The following CLCN3 variants were observed in gnomAD, a reference collection of about 807,000 sequenced individuals.
The protein encoded by CLCN3 is H(+)/Cl(-) exchange transporter 3.
CLCN3 carries 16 observed loss-of-function variants against 83.4 expected under a neutral mutation model. The ratio of observed to expected loss-of-function variants is 0.19; its 90% CI spans 0.13 to 0.29. The LOEUF (loss-of-function observed/expected upper bound fraction) is 0.29. Ranked by LOEUF, CLCN3 falls within the 10% of genes least tolerant of loss-of-function variation. CLCN3 has a pLI of 1.00. For missense variants in CLCN3, 544 were observed against 1,006.0 expected, an observed-to-expected ratio of 0.54 and a Z score of 6.21; for synonymous variants, 322 against 346.2, an observed-to-expected ratio of 0.93 and a Z score of 0.78.
At chr4:169,632,276 T>G (rs1445493630) in intron 1 of CLCN3, among the ~76,000 whole-genome samples, 1 of 152,152 alleles carries the variant, frequency 6.6e-6, no homozygotes, top group Non-Finnish European at 1.5e-5. Context: ...GATTGAAAGA[T>G]CAGTGAGTCT....
At chr4:169,691,999 A>AG in intron 6 of CLCN3, 115 bp from the exon 7 acceptor site, 1 of 654,722 alleles carries the variant, frequency 1.5e-6, no homozygotes, top group Non-Finnish European at 2.6e-6. Context: ...ATTTTTCTGT[A>AG]GACTGCTAAA....
intron 12 of CLCN3, among the ~76,000 whole-genome samples, chr4:169,714,187 C>A (rs1011611516): frequency 2.0e-5 from 3 of 152,056 alleles, no homozygotes; most frequent in South Asian, 2.1e-4. Flanking sequence ...TACCAAAAAA[C>A]AGAGGGTATT....
chr4:169,661,995 T>C (rs2150220588), intron 2 of CLCN3, among the ~76,000 whole-genome samples: 1 of 152,260 alleles, frequency 6.6e-6, no homozygotes, highest in African/African-American at 2.4e-5. Context: ...ATTTGGTTGT[T>C]AATGATGATA....
intron 2 of CLCN3, among the ~76,000 whole-genome samples, chr4:169,653,699 T>C (rs1337057756): frequency 2.1e-5 from 3 of 143,468 alleles, no homozygotes; most frequent in Non-Finnish European, 4.5e-5. Context: ...ATAGGAAGCA[T>C]AGTGCTGGCA....
chr4:169,691,134 G>A (rs752209388), intron 6 of CLCN3, among the ~76,000 whole-genome samples: 2 of 151,822 alleles, frequency 1.3e-5, no homozygotes, highest in Non-Finnish European at 2.9e-5. Context: ...GAGGAGTTGC[G>A]ATTGCAGGCA....
intron 11 of CLCN3, among the ~76,000 whole-genome samples, chr4:169,707,815 G>A (rs752092052): frequency 8.6e-5 from 13 of 152,034 alleles, no homozygotes; most frequent in South Asian, 8.3e-4. Context: ...AAAGTATAAC[G>A]TATCAGTCCT....
chr4:169,686,479 C>T (rs1176359156), intron 3 of CLCN3, among the ~76,000 whole-genome samples: 3 of 151,014 alleles, frequency 2.0e-5, no homozygotes, highest in Non-Finnish European at 4.4e-5. Context: ...TGCAGTGGCA[C>T]GATCTCTGCT....
intron 2 of CLCN3, among the ~76,000 whole-genome samples, chr4:169,648,041 A>T (rs1355093013): frequency 9.2e-5 from 14 of 152,198 alleles, no homozygotes; most frequent in Admixed American, 1.3e-4. Context: ...ATGACATTTT[A>T]CAGGATACCT....
rs1409025280 is a variant in CLCN3, at chr4:169,713,184, G to A, written c.2255G>A (p.Arg752Gln). ...GAAAGTCCTCGGCCATTGAAGCTTC[G>A]AAGCATTCTTGACATGAGCCCTTTT... is the stretch of plus-strand genomic sequence containing the variant. Reference protein sequence around the residue: ...PAESPRPLKLRSILDMSPFTV... With the variant: ...PAESPRPLKLQSILDMSPFTV... The change falls in exon 12 of 13, where the codon CGA (arginine) becomes CAA (glutamine). Residue 752 changes from arginine to glutamine, a missense_variant. Physicochemically the swap from Arg to Gln is conservative, Grantham distance 43 (BLOSUM62 1). Around this residue, in one of 6 missense-constraint regions of CLCN3, gnomAD observed 142 missense variants for 225.0 expected, o/e 0.63. Coordinates refer to ENST00000513761, the MANE Select transcript of CLCN3 (RefSeq NM_001829.4). 1.9e-6 allele frequency: 3 copies of A among 1,614,056 alleles called. No homozygotes were observed. The highest frequency in any genetic ancestry group is 2.5e-6 in the Non-Finnish European group (3 of 1,179,980).
Position 169,719,986 on chromosome 4 carries a change from A to G in CLCN3, c.2446A>G (p.Met816Val), listed in dbSNP as rs1231114163. The G allele has an allele frequency of 1.2e-6, 2 of 1,613,980 alleles. No individual in the cohort carries two copies. ...GGCAAACCAAGACCCCGCTTCAATA[A>G]TGTTCAACTGAATCTCACAGATGAG... Reference protein sequence around the residue: ...QTANQDPASIMFN With the variant: ...QTANQDPASIVFN The change falls in exon 13 of 13, where the codon ATG becomes GTG. Residue 816 changes from methionine to valine, a missense_variant. By Grantham distance (21) the Met-to-Val change is conservative. Around this residue, in one of 6 missense-constraint regions of CLCN3, gnomAD observed 142 missense variants for 225.0 expected, o/e 0.63. Transcript: ENST00000513761.
chr4:169,621,255 A>G (rs1213829533), intron 1 of CLCN3, among the ~76,000 whole-genome samples, 192 bp downstream of exon 1: 2 of 152,160 alleles, frequency 1.3e-5, no homozygotes, highest in African/African-American at 4.8e-5. Context: ...AAAATTTCAC[A>G]CATCTGCTTC....
In CLCN3 at chr4:169,620,763, GATTTTT is replaced by G; in HGVS notation, c.-309_-304del. 2.5e-6 allele frequency: 1 copy of G among 398,630 alleles called. No homozygotes were observed. The highest frequency in any genetic ancestry group is 4.4e-6 in the Non-Finnish European group (1 of 226,084). 24.7% of individuals were successfully genotyped at this position (398,630 alleles called of 1,614,324 possible). ...GTCTTAAGGGGGAAGTGAGATTGGA[GATTTTT>G]ATTTTTAATTTTGGGCAGAAGCAGG... On this transcript the variant is annotated 5_prime_UTR_variant, in exon 1 of 13. Transcript: ENST00000513761.
At chr4:169,669,523 T>C (rs548154854) in intron 2 of CLCN3, among the ~76,000 whole-genome samples, 1 of 152,170 alleles carries the variant, frequency 6.6e-6, no homozygotes, top group Admixed American at 6.5e-5. Flanking sequence ...AATTATAATA[T>C]GTTATGACAA....
intron 1 of CLCN3, 37 bp downstream of exon 1, chr4:169,621,100 T>A (rs1226938283): frequency 5.1e-6 from 2 of 395,408 alleles, no homozygotes; most frequent in Admixed American, 8.8e-5. Context: ...TTGTCAGCTC[T>A]CCTGTTCACA....
intron 2 of CLCN3, among the ~76,000 whole-genome samples, chr4:169,639,202 T>A (rs1056429303): frequency 1.6e-4 from 24 of 152,218 alleles, no homozygotes; most frequent in African/African-American, 2.4e-4. Context: ...GCTAATTTTT[T>A]AAAATTTTTT....
At chr4:169,627,814 T>C (rs1425837750) in intron 1 of CLCN3, among the ~76,000 whole-genome samples, 1 of 152,172 alleles carries the variant, frequency 6.6e-6, no homozygotes, top group Non-Finnish European at 1.5e-5. Context: ...TTTTTAGATA[T>C]GGACAAGATT....
At position 169,697,322 on chromosome 4, in the gene CLCN3, C is replaced by T; in HGVS notation, c.1151C>T (p.Pro384Leu). The part of the protein sequence containing the change: ...LVLFYVEYHT[P>L]WYLFELFPFI... The stretch of plus-strand genomic sequence containing the variant: ...CTTTTTTATGTGGAGTATCATACAC[C>T]ATGGTACCTTTTTGAACTGTTTCCT... Residue 384 changes from proline (P) to leucine (L), a missense_variant, in exon 9 of 13, where the codon CCA (proline) becomes CTA (leucine). This residue lies in a region of CLCN3 where 194 missense variants were observed against 341.4 expected (regional missense o/e 0.57). Transcript: ENST00000513761. 1 of 1,614,062 alleles carries T rather than the reference C, an allele frequency of 6.2e-7. No homozygotes were observed. The highest frequency in any genetic ancestry group is 8.5e-7 in the Non-Finnish European group (1 of 1,179,996).
At chr4:169,657,674 T>A (rs1730926204) in intron 2 of CLCN3, among the ~76,000 whole-genome samples, 2 of 152,058 alleles carry the variant, frequency 1.3e-5, no homozygotes, top group South Asian at 4.1e-4. Context: ...CACATCAAGT[T>A]GAGATTACAG....
chr4:169,657,360 G>A (rs888574255), intron 2 of CLCN3, among the ~76,000 whole-genome samples: 4 of 152,044 alleles, frequency 2.6e-5, no homozygotes, highest in African/African-American at 9.7e-5. Flanking sequence ...ATTTGTTGAA[G>A]AAAACAGGTC....
Sources: allele counts gnomAD v4.1 joint callset (sites outside exome capture counted in the v4.1 genomes callset), GRCh38; gene constraint gnomAD v4.1.1; regional missense constraint gnomAD v4.1.1; transcripts MANE v1.5; gene names NCBI Gene and HGNC (gene_info 2026-07-23, HGNC 2026-07-21).